UBR4: variants seen among roughly 807,000 people sequenced by gnomAD.
The protein encoded by UBR4 is E3 ubiquitin-protein ligase UBR4.
In UBR4, 124 loss-of-function variants were observed where a neutral mutation model predicts 575.6. That is an observed-to-expected ratio of 0.22 (90% CI 0.19 to 0.25). The LOEUF (loss-of-function observed/expected upper bound fraction) is 0.25, where lower values mean the gene tolerates loss of function less well. Among genes scored for constraint, UBR4 ranks in the 10% least tolerant of loss-of-function variants. The probability of loss-of-function intolerance (pLI) is 1.00; values close to 1 mark genes in which losing one functional copy is unlikely to be tolerated. For synonymous variants in UBR4, 2,455 were observed against 2,473.7 expected, an observed-to-expected ratio of 0.99 and a Z score of 0.22; for missense variants, 4,818 against 6,478.8, an observed-to-expected ratio of 0.74 and a Z score of 8.80.
In UBR4 at chr1:19,149,644, C is replaced by T. The variant is rs889240889; in HGVS notation, c.7430+933G>A. ...CTCTGTAGCCATGCAATGACCAGAA[C>T]AGAAAGAAGCAGGAAGACTCTTCAA... is the stretch of plus-strand genomic sequence containing the variant. On this transcript the variant is annotated intron_variant, in intron 49 of 105. Coordinates refer to ENST00000375254, the MANE Select transcript of UBR4 (RefSeq NM_020765.3). 6 of 933,264 alleles carry T rather than the reference C, an allele frequency of 6.4e-6. No individual in the cohort carries two copies. The African/African-American group carries it at 8.9e-5, about 14-fold the overall frequency. 57.8% of individuals were successfully genotyped at this position (933,264 alleles called of 1,614,324 possible).
intron 60 of UBR4, among the ~76,000 whole-genome samples, chr1:19,131,050 T>G (rs1415309952): frequency 3.3e-5 from 5 of 151,826 alleles, no homozygotes; most frequent in Admixed American, 3.3e-4. Flanking sequence ...CTGGTACCAC[T>G]GGCGCATGCC....
chr1:19,121,197 T>C lies in UBR4; in HGVS notation c.10133A>G (p.Glu3378Gly). 6.2e-7 allele frequency: 1 copy of C among 1,613,914 alleles called. No individual in the cohort carries two copies. Among genetic ancestry groups the C allele is most frequent in the Non-Finnish European group, 8.5e-7 (1 of 1,179,966 alleles). ...AAGAGGGTGACCCTTACCATCTTTC[T>C]CCTTTTCTTTTTCTTCTTTCTTGCT... ...KKSKKEEKEKEKDGETSGSQE... is the reference protein window; with the variant it reads ...KKSKKEEKEKGKDGETSGSQE... The change falls in exon 68 of 106, where the codon GAG (glutamate) becomes GGG (glycine). Residue 3378 changes from glutamate (E) to glycine (G), a missense_variant. Coordinates refer to ENST00000375254, the MANE Select transcript of UBR4 (RefSeq NM_020765.3).
In UBR4 at chr1:19,088,117, A is replaced by G. The variant is rs1472676487; in HGVS notation, c.14431-188T>C. On this transcript the variant is annotated intron_variant, in intron 98 of 105. Transcript: ENST00000375254. This position sits in a 1 kb window ranked among gnomAD's most constrained non-coding sequence, Gnocchi z 4.0. Reference sequence around the variant, plus strand: ...GGCCCTTCTGCTATTCTCTCTTCCTACAGGAACCACTGAAGCAAAGGAAGT... The same window carrying G: ...GGCCCTTCTGCTATTCTCTCTTCCTGCAGGAACCACTGAAGCAAAGGAAGT... Among the ~76,000 whole-genome samples the G allele has an allele frequency of 1.3e-5, 2 of 152,178 alleles. No homozygotes were observed. The highest frequency in any genetic ancestry group is 6.5e-5 in the Admixed American group (1 of 15,286).
At chr1:19,128,466 C>A in intron 61 of UBR4, 148 bp from the exon 62 acceptor site, 1 of 688,834 alleles carries the variant, frequency 1.5e-6, no homozygotes, top group Non-Finnish European at 2.4e-6. Context: ...TTCCAGGTAT[C>A]CAAAGCTTCA....
At chr1:19,184,397 A>C (rs2091321805) in intron 15 of UBR4, among the ~76,000 whole-genome samples, 1 of 152,218 alleles carries the variant, frequency 6.6e-6, no homozygotes, top group Admixed American at 6.5e-5. Context: ...TTCCAGTTTA[A>C]TATAACAGAT....
chr1:19,092,995 G>A (rs2077674534), intron 96 of UBR4, 77 bp from the exon 97 acceptor site: 2 of 1,324,780 alleles, frequency 1.5e-6, no homozygotes, highest in African/African-American at 1.4e-5. Context: ...ACTCTGGCTT[G>A]TTTAAACCCC....
chr1:19,162,367 T>C, intron 35 of UBR4, 53 bp downstream of exon 35: 5 of 1,556,540 alleles, frequency 3.2e-6, no homozygotes, highest in Non-Finnish European at 2.6e-6. Context: ...CTTGGTACCA[T>C]GCCAGTTAGT....
In UBR4 at chr1:19,112,528, T is replaced by C. The variant is rs751274698; in HGVS notation, c.11797A>G (p.Thr3933Ala). The C allele has an allele frequency of 6.2e-7, 1 of 1,608,682 alleles. No homozygotes were observed. The highest frequency in any genetic ancestry group is 8.5e-7 in the Non-Finnish European group (1 of 1,177,062). ...EEVRQLMCLL[T>A]RDNPEATQQM... ...AACCATGGTGTAGGTACTGACCGAGTTAGGAGGCACATGAGCTGGCGGACC... is the reference window on the plus strand; with the variant it reads ...AACCATGGTGTAGGTACTGACCGAGCTAGGAGGCACATGAGCTGGCGGACC... Residue 3933 changes from threonine to alanine, a missense_variant, in exon 78 of 106, where the codon ACT becomes GCT. Thr to Ala is a moderately conservative substitution (Grantham distance 58, BLOSUM62 0). Around this residue, in one of 29 missense-constraint regions of UBR4, gnomAD observed 333 missense variants for 459.2 expected, o/e 0.73. Transcript: ENST00000375254.
chr1:19,128,818 T>A (rs1205328186), intron 61 of UBR4, among the ~76,000 whole-genome samples, 160 bp downstream of exon 61: 1 of 152,210 alleles, frequency 6.6e-6, no homozygotes, highest in Non-Finnish European at 1.5e-5. Context: ...TTCTCATTTA[T>A]AAAATGAAGA....
intron 62 of UBR4, among the ~76,000 whole-genome samples, chr1:19,127,954 A>C (rs1025935063): frequency 5.9e-5 from 9 of 152,172 alleles, no homozygotes; most frequent in Non-Finnish European, 1.3e-4. Context: ...CAACTAATTT[A>C]ATGTTCTCAC....
chr1:19,101,414 C>T (rs944584507), intron 88 of UBR4, 106 bp downstream of exon 88: 5 of 1,404,872 alleles, frequency 3.6e-6, no homozygotes, highest in Non-Finnish European at 4.7e-6. Context: ...CTAAGTGGCC[C>T]ACAGCTGGTA....
chr1:19,086,603 A>G (rs2077040052), intron 100 of UBR4, 76 bp downstream of exon 100: 1 of 1,572,990 alleles, frequency 6.4e-7, no homozygotes, highest in Non-Finnish European at 8.6e-7. Flanking sequence ...TAAAACCACG[A>G]GGATGGCAGT....
intron 17 of UBR4, among the ~76,000 whole-genome samples, chr1:19,181,564 C>A (rs893561112): frequency 6.6e-6 from 1 of 152,144 alleles, no homozygotes; most frequent in Admixed American, 6.5e-5. Flanking sequence ...TGTCCTATGC[C>A]TATCTCCCTC....
At chr1:19,140,764 G>T in intron 58 of UBR4, 24 bp downstream of exon 58, 2 of 1,605,948 alleles carry the variant, frequency 1.2e-6, no homozygotes, top group Non-Finnish European at 1.7e-6. Flanking sequence ...GCCCTGAGCC[G>T]TGCTCCTTGC....
In UBR4 at chr1:19,105,108, G is replaced by C. The variant is rs2079043983; in HGVS notation, c.12585C>G (p.His4195Gln). 1 of 1,614,138 alleles carries C rather than the reference G, an allele frequency of 6.2e-7. No individual in the cohort carries two copies. Among genetic ancestry groups the C allele is most frequent in the East Asian group, 2.2e-5 (1 of 44,878 alleles). The change falls in exon 85 of 106, where the codon CAC (histidine) becomes CAG (glutamine). Residue 4195 changes from histidine (H) to glutamine (Q), a missense_variant. This residue lies in a region of UBR4 where 178 missense variants were observed against 175.5 expected (regional missense o/e 1.01). Transcript: ENST00000375254. ...ALYQKLITSA[H>Q]WKVYLAARGV... The stretch of plus-strand genomic sequence containing the variant: ...CCCGAGCTGCCAAGTAGACTTTCCA[G>C]TGCGCAGAAGTGATGAGCTTCTGGT...
Position 19,126,746 on chromosome 1 carries a change from A to G in UBR4, c.9229-91T>C. On this transcript the variant is annotated intron_variant, in intron 63 of 105. Transcript: ENST00000375254. Reference sequence around the variant, plus strand: ...GGTGTTGGGGATGGGAAACACACTCACAACAGTCTTAGCTTTTATGGCAGT... The same window carrying G: ...GGTGTTGGGGATGGGAAACACACTCGCAACAGTCTTAGCTTTTATGGCAGT... 6 of 1,335,476 alleles carry G rather than the reference A, an allele frequency of 4.5e-6. No individual in the cohort carries two copies. The East Asian group carries it at 9.3e-5, about 21-fold the overall frequency. The allele number at this position is 1,335,476 out of a possible 1,614,324, so 82.7% of individuals were successfully genotyped here.
chr1:19,114,331 T>C (rs757370939), intron 75 of UBR4, among the ~76,000 whole-genome samples: 5 of 152,240 alleles, frequency 3.3e-5, no homozygotes, highest in Non-Finnish European at 7.3e-5. Flanking sequence ...ATTAAAAGTA[T>C]GGCTGGAATT....
intron 39 of UBR4, among the ~76,000 whole-genome samples, chr1:19,158,404 T>C (rs896704453): frequency 4.6e-5 from 7 of 152,146 alleles, no homozygotes; most frequent in African/African-American, 1.4e-4. Flanking sequence ...GTGTGACTGA[T>C]TTTACGACTT....
chr1:19,110,451 T>G lies in UBR4; in HGVS notation c.11906A>C (p.Gln3969Pro), dbSNP rs1429832392. The G allele has an allele frequency of 6.2e-7, 1 of 1,614,122 alleles. No homozygotes were observed. Residue 3969 changes from glutamine to proline, a missense_variant, in exon 80 of 106, where the codon CAG becomes CCG. This residue lies in a region of UBR4 where 333 missense variants were observed against 459.2 expected (regional missense o/e 0.73). Coordinates refer to ENST00000375254, the MANE Select transcript of UBR4 (RefSeq NM_020765.3). This position sits in a 1 kb window ranked among gnomAD's most constrained non-coding sequence, Gnocchi z 4.5. ...WANPDLASSL[Q>P]YEMLLLTDSI... ...ATCCGTCAGCAGCAGCATTTCATAC[T>G]GCAGGCTACTTGCCTAGAAGGCAAT...
Sources: allele counts gnomAD v4.1 joint callset (sites outside exome capture counted in the v4.1 genomes callset), GRCh38; gene constraint gnomAD v4.1.1; regional missense constraint gnomAD v4.1.1; non-coding constraint Gnocchi (gnomAD v3.1); transcripts MANE v1.5; gene names NCBI Gene and HGNC (gene_info 2026-07-23, HGNC 2026-07-21).